EHD4: variants seen among roughly 807,000 people sequenced by gnomAD.
EHD4 encodes EH domain-containing protein 4.
A neutral mutation model predicts 51.0 loss-of-function variants in EHD4; 37 were observed. That is an observed-to-expected ratio of 0.73 (90% CI 0.56 to 0.95). The LOEUF is 0.95. Ranked by LOEUF, EHD4 falls within the 40% of genes least tolerant of loss-of-function variation. The pLI, the probability that EHD4 is intolerant of heterozygous loss-of-function variation, is 0.00. For missense variants in EHD4, 632 were observed against 733.1 expected (o/e 0.86, Z 1.59); for synonymous variants, 297 against 317.3 (o/e 0.94, Z 0.68).
intron 3 of EHD4, chr15:41,942,247 GTTT>G (rs570868200): frequency 0.36 from 49,880 of 137,120 alleles, 8,579 homozygotes; most frequent in Admixed American, 0.47. Context: ...CCGGTTTTTT[GTTT>G]TTTTTTTTTT....
chr15:41,912,957 G>A (rs1329095242), intron 4 of EHD4, among the ~76,000 whole-genome samples: 2 of 152,164 alleles, frequency 1.3e-5, no homozygotes, highest in African/African-American at 2.4e-5. Context: ...TACTGAAGTT[G>A]TTCAAAATCT....
At position 41,900,446 on chromosome 15, in the gene EHD4, A is replaced by G. The variant is rs1326831044; in HGVS notation, c.*199T>C. The G allele has an allele frequency of 2.3e-5, 14 of 612,736 alleles. No homozygotes were observed. The highest frequency in any genetic ancestry group is 8.5e-6 in the Non-Finnish European group (3 of 354,938). 38.0% of individuals were successfully genotyped at this position (612,736 alleles called of 1,614,324 possible). On this transcript the variant is annotated 3_prime_UTR_variant, in exon 6 of 6. Coordinates refer to ENST00000220325, the MANE Select transcript of EHD4 (RefSeq NM_139265.4). The surrounding 1 kb of genome is among the most constrained non-coding windows in gnomAD (Gnocchi z 4.8). ...CTCCTAATCCACCCCCCTACCCCCA[A>G]TATTTTCATAGAAACTAAGGGAATT...
At chr15:41,942,741 A>G (rs1308112946) in intron 3 of EHD4, 3 of 244,378 alleles carry the variant, frequency 1.2e-5, no homozygotes, top group East Asian at 2.0e-4. Context: ...CCTAGTTCCA[A>G]TGCTGCTTCC....
intron 2 of EHD4, 60 bp from the exon 3 acceptor site, chr15:41,943,224 T>C (rs2067788578): frequency 3.7e-6 from 5 of 1,349,820 alleles, no homozygotes; most frequent in South Asian, 2.6e-5. Flanking sequence ...GCTCCAACCA[T>C]GGGGCTTCTT....
chr15:41,942,834 A>C, intron 3 of EHD4: 1 of 385,724 alleles, frequency 2.6e-6, no homozygotes. Context: ...CCCACTCCTC[A>C]TCTTCATTTA....
chr15:41,932,955 T>C (rs183750225), intron 3 of EHD4, among the ~76,000 whole-genome samples: 1 of 152,322 alleles, frequency 6.6e-6, no homozygotes, highest in East Asian at 1.9e-4. Context: ...AAATGAATCA[T>C]GACCGCCCCT....
intron 2 of EHD4, among the ~76,000 whole-genome samples, chr15:41,951,307 AT>A (rs750247184): frequency 5.6e-4 from 86 of 152,304 alleles, no homozygotes; most frequent in Non-Finnish European, 9.7e-4. Flanking sequence ...TTATTTTTCT[AT>A]ATGTTATTCT....
In EHD4 at chr15:41,900,392, C is replaced by T. The variant is rs2067467555; in HGVS notation, c.*253G>A. The T allele has an allele frequency of 1.9e-6, 1 of 526,468 alleles. No homozygotes were observed. Among genetic ancestry groups the T allele is most frequent in the South Asian group, 2.8e-5 (1 of 36,308 alleles). 32.6% of individuals were successfully genotyped at this position (526,468 alleles called of 1,614,324 possible). A position where few individuals can be genotyped will look rare whatever the true frequency, so the allele number is the denominator to read the frequency against. On this transcript the variant is annotated 3_prime_UTR_variant, in exon 6 of 6. Transcript: ENST00000220325. This position sits in a 1 kb window ranked among gnomAD's most constrained non-coding sequence, Gnocchi z 4.8. ...AGGCAGGTTCTGAGGACTCTTTGGA[C>T]AATTTCTCTTTCTTCTCAACCCTTC...
At chr15:41,965,917 T>G (rs2067958751) in intron 1 of EHD4, among the ~76,000 whole-genome samples, 1 of 147,154 alleles carries the variant, frequency 6.8e-6, no homozygotes, top group South Asian at 2.2e-4. Context: ...CTGCCAGCGC[T>G]CCCCTGCCCA....
Position 41,972,276 on chromosome 15 carries a change from G to T in EHD4, c.219C>A (p.Gly73=), listed in dbSNP as rs1340749697. ...MILLVGQYST[G]KTTFIRYLLE... The stretch of plus-strand genomic sequence containing the variant: ...GACGGTACCTGATGAAGGTGGTCTT[G>T]CCGGTGCTGTACTGGCCCACCAGCA... Residue 73 remains glycine, a synonymous_variant, in exon 1 of 6, where the codon GGC becomes GGA. Coordinates refer to ENST00000220325, the MANE Select transcript of EHD4 (RefSeq NM_139265.4). 7.6e-6 allele frequency: 12 copies of T among 1,582,926 alleles called. No individual in the cohort carries two copies. Among genetic ancestry groups the T allele is most frequent in the Non-Finnish European group, 1.0e-5 (12 of 1,166,762 alleles).
chr15:41,910,671 C>T (rs551748493), intron 4 of EHD4, among the ~76,000 whole-genome samples: 24 of 152,310 alleles, frequency 1.6e-4, no homozygotes, highest in African/African-American at 3.4e-4. Flanking sequence ...CTGGTTCAAG[C>T]GATTTTCCTG....
intron 5 of EHD4, among the ~76,000 whole-genome samples, chr15:41,904,713 G>A (rs1453871890): frequency 3.3e-5 from 5 of 152,250 alleles, no homozygotes; most frequent in Non-Finnish European, 7.3e-5. Context: ...CTCTGCTGTT[G>A]AAATGCTGCC....
Position 41,950,569 on chromosome 15 carries a change from CTAAT to C in EHD4, c.413+3191_413+3194del, listed in dbSNP as rs754355798. Among the ~76,000 whole-genome samples, 34 of 152,362 alleles carry C rather than the reference CTAAT, an allele frequency of 2.2e-4. 1 individual carries two copies. The East Asian group carries it at 6.2e-3, about 28-fold the overall frequency. On this transcript the variant is annotated intron_variant, in intron 2 of 5. Coordinates refer to ENST00000220325, the MANE Select transcript of EHD4 (RefSeq NM_139265.4). ...ATGTACACATATTTGAACGCCCTAA[CTAAT>C]TGACTCTTTCTTAAATAACTGCTGT... is the stretch of plus-strand genomic sequence containing the variant.
At chr15:41,908,144 G>C (rs1048716384) in intron 5 of EHD4, 1 of 151,990 alleles carries the variant, frequency 6.6e-6, no homozygotes, top group Non-Finnish European at 1.5e-5. Context: ...GAGATTACAG[G>C]CATGAGCCAT....
intron 1 of EHD4, among the ~76,000 whole-genome samples, chr15:41,956,069 C>T (rs2067885661): frequency 6.6e-6 from 1 of 152,168 alleles, no homozygotes. Flanking sequence ...ACACACAGTT[C>T]GCAATTCACG....
In EHD4 at chr15:41,943,142, T is replaced by G; in HGVS notation, c.436A>C (p.Asn146His). ...ACGCTGATGCTCTTCAGGACCTGATTGGGGAGCTGTGAGCACATGAATCTG... is the reference window on the plus strand; with the variant it reads ...ACGCTGATGCTCTTCAGGACCTGATGGGGGAGCTGTGAGCACATGAATCTG... ...LNRFMCSQLP[N>H]QVLKSISVID... The change falls in exon 3 of 6, where the codon AAT (asparagine) becomes CAT (histidine). Residue 146 changes from asparagine (N) to histidine (H), a missense_variant. Transcript: ENST00000220325. 6.3e-7 allele frequency: 1 copy of G among 1,591,042 alleles called. No individual in the cohort carries two copies. The highest frequency in any genetic ancestry group is 8.6e-7 in the Non-Finnish European group (1 of 1,168,698).
rs114736832 is a variant in EHD4, at chr15:41,914,253, A to C, written c.925-4390T>G. On this transcript the variant is annotated intron_variant, in intron 4 of 5. Coordinates refer to ENST00000220325, the MANE Select transcript of EHD4 (RefSeq NM_139265.4). ...CATGGTGACACACTGTGCCACGCTC[A>C]TCTGCAAACTTAACGCAACCTGCTG... is the stretch of plus-strand genomic sequence containing the variant. Among the ~76,000 whole-genome samples the C allele has an allele frequency of 4.5e-3, 692 of 152,364 alleles. 3 individuals are homozygous for C. Among genetic ancestry groups the C allele is most frequent in the African/African-American group, 0.016 (663 of 41,578 alleles).
intron 2 of EHD4, among the ~76,000 whole-genome samples, chr15:41,944,070 C>T (rs948556717): frequency 3.3e-5 from 5 of 152,148 alleles, no homozygotes; most frequent in Non-Finnish European, 5.9e-5. Context: ...AAGCAGAGTG[C>T]GGAGGAAAAA....
Position 41,953,789 on chromosome 15 carries a change from G to T in EHD4, c.388C>A (p.Arg130Ser). 1 of 1,611,252 alleles carries T rather than the reference G, an allele frequency of 6.2e-7. No individual in the cohort carries two copies. Among genetic ancestry groups the T allele is most frequent in the Non-Finnish European group, 8.5e-7 (1 of 1,179,272 alleles). Residue 130 changes from arginine to serine, a missense_variant, in exon 2 of 6, where the codon CGC becomes AGC. Physicochemically the swap from Arg to Ser is moderately radical, Grantham distance 110 (BLOSUM62 -1). Transcript: ENST00000220325. ...CGATTCAGGAAAGCGTTTCCAAAGC[G>T]ACTGAGCTTTCTAAACGGCTTTTTG... ...DPKKPFRKLS[R>S]FGNAFLNRFM...
Sources: gnomAD v4.1 joint callset for allele counts (sites outside exome capture counted in the v4.1 genomes callset) on GRCh38, gnomAD v4.1.1 for gene constraint, Gnocchi (gnomAD v3.1) non-coding constraint, MANE v1.5 for transcripts, NCBI Gene and HGNC (gene_info 2026-07-23, HGNC 2026-07-21) for gene names.